The following PDZD2 variants were observed in gnomAD, a reference collection of about 807,000 sequenced individuals.
PDZD2 encodes PDZ domain containing 2.
A neutral mutation model predicts 220.7 loss-of-function variants in PDZD2; 90 were observed. The observed-to-expected ratio is 0.41, with a 90% CI of 0.34 to 0.49. The LOEUF (loss-of-function observed/expected upper bound fraction) is 0.49. Ranked by LOEUF, PDZD2 falls within the 20% of genes least tolerant of loss-of-function variation. The pLI, the probability that PDZD2 is intolerant of heterozygous loss-of-function variation, is 0.28. For missense variants in PDZD2, 3,174 were observed against 3,608.5 expected, an observed-to-expected ratio of 0.88 and a Z score of 3.08; for synonymous variants, 1,375 against 1,450.5, an observed-to-expected ratio of 0.95 and a Z score of 1.18.
chr5:31,976,535 A>C (rs1206496050), intron 2 of PDZD2, among the ~76,000 whole-genome samples: 1 of 152,156 alleles, frequency 6.6e-6, no homozygotes, highest in Non-Finnish European at 1.5e-5. Context: ...GTTGGTGTTT[A>C]TTCTCCTGTT....
intron 1 of PDZD2, among the ~76,000 whole-genome samples, chr5:31,751,141 C>T (rs1235476918): frequency 3.3e-5 from 5 of 150,628 alleles, no homozygotes; most frequent in Non-Finnish European, 5.9e-5. Context: ...ACTCGGAGGC[C>T]GAAGCAGGAG....
At chr5:31,822,349 T>A (rs1249731113) in intron 2 of PDZD2, among the ~76,000 whole-genome samples, 1 of 147,576 alleles carries the variant, frequency 6.8e-6, no homozygotes, top group Non-Finnish European at 1.5e-5. Context: ...TGATCTCAGC[T>A]CACTGCAACG....
intron 6 of PDZD2, among the ~76,000 whole-genome samples, chr5:32,031,171 G>A (rs1755080956): frequency 6.6e-6 from 1 of 152,062 alleles, no homozygotes; most frequent in Non-Finnish European, 1.5e-5. Flanking sequence ...TAGGAATAAC[G>A]TAGCATCTCC....
intron 2 of PDZD2, among the ~76,000 whole-genome samples, chr5:31,944,955 C>T (rs1158236906): frequency 1.3e-5 from 2 of 152,232 alleles, no homozygotes; most frequent in African/African-American, 4.8e-5. Context: ...TACATGTGTG[C>T]GGACCAGATG....
intron 2 of PDZD2, among the ~76,000 whole-genome samples, chr5:31,887,956 G>A (rs1431742330): frequency 2.0e-5 from 3 of 152,086 alleles, no homozygotes; most frequent in African/African-American, 7.2e-5. Flanking sequence ...GAGTTGTTCA[G>A]CATTGTTAAC....
intron 6 of PDZD2, among the ~76,000 whole-genome samples, chr5:32,013,838 G>C (rs59297643): frequency 1.3e-5 from 2 of 152,066 alleles, no homozygotes; most frequent in Non-Finnish European, 2.9e-5. Flanking sequence ...AGGTGGAACC[G>C]GGCTTCATGC....
chr5:32,104,202 TTCA>T (rs1359169982), intron 24 of PDZD2, among the ~76,000 whole-genome samples: 2 of 152,048 alleles, frequency 1.3e-5, no homozygotes, highest in Non-Finnish European at 2.9e-5. Flanking sequence ...GAGGTCAGGA[TTCA>T]CCTTATCTCG....
intron 11 of PDZD2, 74 bp downstream of exon 11, chr5:32,057,802 T>C: frequency 1.4e-6 from 2 of 1,434,766 alleles, no homozygotes; most frequent in South Asian, 1.2e-5. Flanking sequence ...GTTTGGTGAG[T>C]TGTTTTTTTT....
At chr5:31,661,246 G>A (rs901709332) in intron 1 of PDZD2, 1 of 152,124 alleles carries the variant, frequency 6.6e-6, no homozygotes, top group Non-Finnish European at 1.5e-5. Flanking sequence ...GGTCAGTCCT[G>A]GGTTTTATTT....
At chr5:31,927,854 G>T (rs1260927441) in intron 2 of PDZD2, among the ~76,000 whole-genome samples, 1 of 152,128 alleles carries the variant, frequency 6.6e-6, no homozygotes, top group African/African-American at 2.4e-5. Context: ...GTGTGTCCTT[G>T]TCTAGGACCC....
At chr5:31,746,744 T>TC (rs142548370) in intron 1 of PDZD2, among the ~76,000 whole-genome samples, 8,278 of 152,294 alleles carry the variant, frequency 0.054, 253 homozygotes, top group Middle Eastern at 0.17. Context: ...CTGCACTCTT[T>TC]CCAGGGAACC....
At chr5:31,998,399 A>G (rs1751813903) in intron 4 of PDZD2, among the ~76,000 whole-genome samples, 1 of 152,234 alleles carries the variant, frequency 6.6e-6, no homozygotes, top group South Asian at 2.1e-4. Context: ...TTAAAGCCCA[A>G]ATTCATAGAA....
chr5:31,799,953 C>T (rs1754297669), intron 2 of PDZD2, among the ~76,000 whole-genome samples: 1 of 152,150 alleles, frequency 6.6e-6, no homozygotes, highest in African/African-American at 2.4e-5. Flanking sequence ...TCACCTTAGT[C>T]CCAGCAACCG....
chr5:31,983,795 T>G, intron 3 of PDZD2, 139 bp downstream of exon 3: 1 of 875,386 alleles, frequency 1.1e-6, no homozygotes, highest in Non-Finnish European at 1.8e-6. Flanking sequence ...AAGTTGCTTT[T>G]AAGGTTTAAA....
At chr5:31,977,754 C>G (rs1749915425) in intron 2 of PDZD2, among the ~76,000 whole-genome samples, 1 of 152,172 alleles carries the variant, frequency 6.6e-6, no homozygotes, top group South Asian at 2.1e-4. Flanking sequence ...GGGCGGATCA[C>G]TTGAGGCCAG....
intron 1 of PDZD2, among the ~76,000 whole-genome samples, chr5:31,710,165 C>T (rs551840062): frequency 2.2e-4 from 33 of 152,176 alleles, no homozygotes; most frequent in African/African-American, 7.5e-4. Context: ...AACTGGTCCA[C>T]GAAATTTGGT....
Position 31,916,341 on chromosome 5 carries a change from C to G in PDZD2, c.477-66814C>G, listed in dbSNP as rs566313657. Among the ~76,000 whole-genome samples, 4 of 152,348 alleles carry G rather than the reference C, an allele frequency of 2.6e-5. No homozygotes were observed. The South Asian group carries it at 8.3e-4, about 32-fold the overall frequency. ...CCTACTTCAGTTGCATTGCGTAGAG[C>G]AGGCTCAACCCCTCCAGGGGAGGGT... On this transcript the variant is annotated intron_variant, in intron 2 of 24. Transcript: ENST00000438447.
chr5:31,643,620 A>G (rs1745029081), intron 1 of PDZD2, among the ~76,000 whole-genome samples: 1 of 152,212 alleles, frequency 6.6e-6, no homozygotes, highest in Non-Finnish European at 1.5e-5. Context: ...TTTCAATAGC[A>G]GTGGTGTTGG....
chr5:31,965,031 GCCATTTTAA>G (rs1170571847), intron 2 of PDZD2, among the ~76,000 whole-genome samples: 2 of 152,136 alleles, frequency 1.3e-5, no homozygotes, highest in Non-Finnish European at 2.9e-5. Context: ...CAGTTTTTTT[GCCATTTTAA>G]TGGCACCAAC....
Sources: allele counts gnomAD v4.1 joint callset (sites outside exome capture counted in the v4.1 genomes callset), GRCh38; gene constraint gnomAD v4.1.1; transcripts MANE v1.5; gene names NCBI Gene and HGNC (gene_info 2026-07-23, HGNC 2026-07-21).